TIAM1: variants seen among roughly 807,000 people sequenced by gnomAD.
TIAM1 encodes TIAM Rac1 associated GEF 1.
In TIAM1, 65 loss-of-function variants were observed where a neutral mutation model predicts 163.5. The observed-to-expected ratio is 0.40, with a 90% confidence interval of 0.33 to 0.49. TIAM1 has a LOEUF of 0.49. Ranked by LOEUF, TIAM1 falls within the 20% of genes least tolerant of loss-of-function variation. TIAM1 has a pLI of 0.77. For missense variants in TIAM1, 1,789 were observed against 2,044.7 expected, an observed-to-expected ratio of 0.87 and a Z score of 2.41; for synonymous variants, 833 against 810.1, an observed-to-expected ratio of 1.03 and a Z score of -0.48.
intron 1 of TIAM1, among the ~76,000 whole-genome samples, chr21:31,528,343 T>A (rs1470038497): frequency 6.6e-6 from 1 of 151,870 alleles, no homozygotes; most frequent in Non-Finnish European, 1.5e-5. Context: ...ACCAAGACCC[T>A]GTCTCTACAA....
At chr21:31,304,966 T>C (rs1569192396) in intron 2 of TIAM1, among the ~76,000 whole-genome samples, 1 of 152,222 alleles carries the variant, frequency 6.6e-6, no homozygotes. Context: ...GTGCTGGGAT[T>C]ATAGGCGTGA....
intron 12 of TIAM1, among the ~76,000 whole-genome samples, chr21:31,199,543 T>C (rs2086079607): frequency 6.6e-6 from 1 of 151,686 alleles, no homozygotes. Context: ...TTTTTTTTTT[T>C]TTTTTGAGAC....
chr21:31,461,674 G>A (rs1427073310), intron 2 of TIAM1, among the ~76,000 whole-genome samples: 1 of 152,066 alleles, frequency 6.6e-6, no homozygotes, highest in Non-Finnish European at 1.5e-5. Flanking sequence ...ATCCTTTTGT[G>A]TGTGTGTGAG....
intron 8 of TIAM1, among the ~76,000 whole-genome samples, chr21:31,218,092 CT>C (rs1251978007): frequency 1.3e-5 from 2 of 152,166 alleles, no homozygotes; most frequent in Non-Finnish European, 2.9e-5. Context: ...AAAAATGGTG[CT>C]AAAGCGTCAG....
chr21:31,282,997 T>A (rs551493963), intron 2 of TIAM1, among the ~76,000 whole-genome samples: 1 of 152,322 alleles, frequency 6.6e-6, no homozygotes, highest in African/African-American at 2.4e-5. Context: ...ATCATAACTT[T>A]AATTTTAGAG....
intron 13 of TIAM1, among the ~76,000 whole-genome samples, chr21:31,194,066 C>A (rs963171010): frequency 6.6e-6 from 1 of 152,112 alleles, no homozygotes; most frequent in Admixed American, 6.5e-5. Flanking sequence ...GTGCATTCCG[C>A]CGCTGGCCGG....
At chr21:31,497,082 G>A (rs4816401) in intron 1 of TIAM1, among the ~76,000 whole-genome samples, 54,460 of 152,084 alleles carry the variant, frequency 0.36, 10,638 homozygotes, top group East Asian at 0.76. Flanking sequence ...CCAGCTGTGC[G>A]GCCCTGTTCC....
chr21:31,556,313 G>T (rs1219067905), intron 1 of TIAM1, among the ~76,000 whole-genome samples: 1 of 152,182 alleles, frequency 6.6e-6, no homozygotes, highest in Non-Finnish European at 1.5e-5. Context: ...GGGTTCACGG[G>T]AGTCAGATTC....
intron 2 of TIAM1, among the ~76,000 whole-genome samples, chr21:31,300,634 T>G (rs964298285): frequency 6.6e-6 from 1 of 152,210 alleles, no homozygotes; most frequent in African/African-American, 2.4e-5. Flanking sequence ...TCTTCACATC[T>G]TTACTACAAG....
intron 9 of TIAM1, among the ~76,000 whole-genome samples, chr21:31,215,339 C>A (rs1291942833): frequency 6.6e-6 from 1 of 151,872 alleles, no homozygotes; most frequent in Non-Finnish European, 1.5e-5. Context: ...GCCTATAATC[C>A]CAGCACTTTG....
chr21:31,352,105 A>G (rs899549178), intron 2 of TIAM1, among the ~76,000 whole-genome samples: 1 of 152,164 alleles, frequency 6.6e-6, no homozygotes, highest in African/African-American at 2.4e-5. Context: ...TAACGCCACA[A>G]AATACCGTCA....
At chr21:31,451,862 T>C (rs902724926) in intron 2 of TIAM1, among the ~76,000 whole-genome samples, 1 of 151,346 alleles carries the variant, frequency 6.6e-6, no homozygotes, top group African/African-American at 2.4e-5. Flanking sequence ...CCAGGAAAGT[T>C]TGAGAGTACT....
At chr21:31,509,193 C>A (rs1337392890) in intron 1 of TIAM1, among the ~76,000 whole-genome samples, 1 of 152,166 alleles carries the variant, frequency 6.6e-6, no homozygotes, top group Admixed American at 6.5e-5. Flanking sequence ...ACCCGACAAA[C>A]CCTACCTGCT....
chr21:31,320,691 A>G (rs2075280676), intron 2 of TIAM1, among the ~76,000 whole-genome samples: 1 of 152,098 alleles, frequency 6.6e-6, no homozygotes, highest in Admixed American at 6.5e-5. Flanking sequence ...CTAAATGTGG[A>G]ATTGAAAAAA....
chr21:31,154,106 A>G, intron 17 of TIAM1, 141 bp downstream of exon 17: 3 of 941,270 alleles, frequency 3.2e-6, no homozygotes, highest in South Asian at 3.5e-5. Flanking sequence ...TAACATTCAG[A>G]GTATAGGCAA....
At chr21:31,399,095 T>C (rs2077122109) in intron 2 of TIAM1, among the ~76,000 whole-genome samples, 1 of 152,114 alleles carries the variant, frequency 6.6e-6, no homozygotes, top group Non-Finnish European at 1.5e-5. Flanking sequence ...AAAGCCAAAA[T>C]TAATTCCACA....
chr21:31,127,489 G>C (rs1405751389), intron 25 of TIAM1, among the ~76,000 whole-genome samples: 1 of 150,750 alleles, frequency 6.6e-6, no homozygotes, highest in Non-Finnish European at 1.5e-5. Context: ...TGTGATCTCA[G>C]CTCACTGCAA....
intron 1 of TIAM1, among the ~76,000 whole-genome samples, chr21:31,524,276 G>C (rs989094544): frequency 3.9e-5 from 6 of 152,124 alleles, no homozygotes; most frequent in East Asian, 3.9e-4. Flanking sequence ...AAGGTGAAGT[G>C]GGGGTAGGAG....
chr21:31,153,259 C>G, intron 17 of TIAM1, 125 bp from the exon 18 acceptor site: 1 of 750,572 alleles, frequency 1.3e-6, no homozygotes, highest in Admixed American at 3.5e-5. Flanking sequence ...AGATCCTGTC[C>G]CGAAGGCTAA....
Sources: gnomAD v4.1 joint callset for allele counts (sites outside exome capture counted in the v4.1 genomes callset) on GRCh38, gnomAD v4.1.1 for gene constraint, MANE v1.5 for transcripts, NCBI Gene and HGNC (gene_info 2026-07-23, HGNC 2026-07-21) for gene names.